Variants in OLFM3 observed in about 807,000 individuals in gnomAD.
OLFM3 encodes noelin-3.
OLFM3 carries 20 observed loss-of-function variants against 48.6 expected under a neutral mutation model. That is an observed-to-expected ratio of 0.41 (90% confidence interval 0.29 to 0.60). The LOEUF (loss-of-function observed/expected upper bound fraction) is 0.60, where lower values mean the gene tolerates loss of function less well. Ranked by LOEUF, OLFM3 falls within the 20% of genes least tolerant of loss-of-function variation. The pLI, the probability that OLFM3 is intolerant of heterozygous loss-of-function variation, is 0.28. For synonymous variants in OLFM3, 222 were observed against 198.1 expected, an observed-to-expected ratio of 1.12 and a Z score of -1.01; for missense variants, 437 against 544.3, an observed-to-expected ratio of 0.80 and a Z score of 1.96.
intron 3 of OLFM3, among the ~76,000 whole-genome samples, chr1:101,828,231 G>A (rs186097474): frequency 4.6e-5 from 7 of 152,226 alleles, no homozygotes; most frequent in African/African-American, 1.2e-4. Flanking sequence ...AGCAGTGTGA[G>A]AATAGACCAA....
chr1:101,975,831 C>T (rs987522925), intron 1 of OLFM3, among the ~76,000 whole-genome samples: 2 of 151,808 alleles, frequency 1.3e-5, no homozygotes, highest in Non-Finnish European at 2.9e-5. Flanking sequence ...CAGGGAGCAA[C>T]GCAGCGTAAT....
At position 101,804,945 on chromosome 1, in the gene OLFM3, G is replaced by A. The variant is rs751537246; in HGVS notation, c.700-30C>T. On this transcript the variant is annotated intron_variant, in intron 5 of 5. Transcript: ENST00000370103. The surrounding 1 kb of genome is among the most constrained non-coding windows in gnomAD (Gnocchi z 4.5). ...GAAGAAGGAAAAAAATAAATGGAGTGACTAAATTCTGTACTTTTCTGATAA... is the reference window on the plus strand; with the variant it reads ...GAAGAAGGAAAAAAATAAATGGAGTAACTAAATTCTGTACTTTTCTGATAA... 2 of 1,525,234 alleles carry A rather than the reference G, an allele frequency of 1.3e-6. No homozygotes were observed. The highest frequency in any genetic ancestry group is 1.8e-6 in the Non-Finnish European group (2 of 1,122,850). The allele number at this position is 1,525,234 out of a possible 1,614,324, so 94.5% of individuals were successfully genotyped here.
At chr1:101,983,387 C>A (rs1219430863) in intron 1 of OLFM3, among the ~76,000 whole-genome samples, 1 of 152,198 alleles carries the variant, frequency 6.6e-6, no homozygotes, top group African/African-American at 2.4e-5. Flanking sequence ...CTCAACCCTG[C>A]CACATTCTCT....
intron 4 of OLFM3, among the ~76,000 whole-genome samples, chr1:101,823,910 C>T (rs1654724404): frequency 6.6e-6 from 1 of 152,040 alleles, no homozygotes; most frequent in East Asian, 1.9e-4. Flanking sequence ...GACAGTGGAG[C>T]CTCCGATGTA....
chr1:101,907,364 A>T (rs1570619617), intron 1 of OLFM3, among the ~76,000 whole-genome samples: 1 of 152,232 alleles, frequency 6.6e-6, no homozygotes, highest in East Asian at 1.9e-4. Flanking sequence ...GCTCTGGAAG[A>T]GCCAGGTGGT....
At position 101,839,493 on chromosome 1, in the gene OLFM3, C is replaced by T. The variant is rs1355800568; in HGVS notation, c.70-2468G>A. 2.6e-5 allele frequency among the ~76,000 whole-genome samples: 4 copies of T among 152,174 alleles called. No homozygotes were observed. In the East Asian group the frequency reaches 5.8e-4, roughly 22 times the overall value. On this transcript the variant is annotated intron_variant, in intron 1 of 5. Transcript: ENST00000370103. ...CCCTGCAGTTTTAGCTGGGCATCTC[C>T]TAACATTGGACGCAAATCTAAAATA...
rs1413602939 is a variant in OLFM3, at chr1:101,824,897, A to AC, written c.592+128dup. On this transcript the variant is annotated intron_variant, in intron 4 of 5. Coordinates refer to ENST00000370103, the MANE Select transcript of OLFM3 (RefSeq NM_058170.4). ...TGCTTAAGTCATTAGGGGACACTTC[A>AC]CACTTAGAAAATGGGCTCTGATTTC... 24 of 771,912 alleles carry AC rather than the reference A, an allele frequency of 3.1e-5. No homozygotes were observed. In the African/African-American group the frequency reaches 3.5e-4, roughly 11 times the overall value. The allele number at this position is 771,912 out of a possible 1,614,324, so 47.8% of individuals were successfully genotyped here. A position where few individuals can be genotyped will look rare whatever the true frequency, so the allele number is the denominator to read the frequency against.
chr1:101,988,863 C>T (rs1277113148), intron 1 of OLFM3, among the ~76,000 whole-genome samples: 1 of 151,942 alleles, frequency 6.6e-6, no homozygotes. Context: ...AGCATGTGTA[C>T]ACTAAATACT....
intron 1 of OLFM3, among the ~76,000 whole-genome samples, chr1:101,931,388 G>A (rs1659441142): frequency 6.6e-6 from 1 of 152,146 alleles, no homozygotes; most frequent in Non-Finnish European, 1.5e-5. Flanking sequence ...AAATGCTGGT[G>A]ACACTTTCCC....
At chr1:101,806,470 A>G (rs895069895) in intron 4 of OLFM3, among the ~76,000 whole-genome samples, 1 of 151,850 alleles carries the variant, frequency 6.6e-6, no homozygotes, top group African/African-American at 2.4e-5. Context: ...TTATCATTAT[A>G]CCAGTTCAGT....
intron 1 of OLFM3, among the ~76,000 whole-genome samples, chr1:101,937,313 A>G (rs1659653183): frequency 6.6e-6 from 1 of 152,148 alleles, no homozygotes. Context: ...TGCTGTTCAT[A>G]AAACAATACA....
intron 1 of OLFM3, among the ~76,000 whole-genome samples, chr1:101,984,644 C>T (rs1237529898): frequency 3.3e-5 from 5 of 152,196 alleles, no homozygotes; most frequent in African/African-American, 4.8e-5. Flanking sequence ...AGGTGATCCA[C>T]CCACCTAGGC....
chr1:101,929,038 A>T (rs1358761317), intron 1 of OLFM3, among the ~76,000 whole-genome samples: 1 of 152,098 alleles, frequency 6.6e-6, no homozygotes, highest in East Asian at 1.9e-4. Flanking sequence ...ATTAGAGTAC[A>T]ACCCTGAAAT....
At position 101,932,384 on chromosome 1, in the gene OLFM3, A is replaced by G. The variant is rs938229027; in HGVS notation, c.69+64364T>C. Among the ~76,000 whole-genome samples the G allele has an allele frequency of 2.0e-5, 3 of 152,200 alleles. No individual in the cohort carries two copies. In the East Asian group the frequency reaches 5.8e-4, roughly 29 times the overall value. ...ATAGCTCCTACCAATAGACCACGAC[A>G]TTGGGAAGACAGGCACACTATGAGC... On this transcript the variant is annotated intron_variant, in intron 1 of 5. Transcript: ENST00000370103.
intron 1 of OLFM3, among the ~76,000 whole-genome samples, chr1:101,965,186 A>G (rs1200625988): frequency 6.6e-6 from 1 of 152,180 alleles, no homozygotes; most frequent in African/African-American, 2.4e-5. Flanking sequence ...TGCTTTTGTT[A>G]TTTTTGGCAA....
intron 1 of OLFM3, among the ~76,000 whole-genome samples, chr1:101,909,179 C>T (rs1375311656): frequency 6.6e-6 from 1 of 152,228 alleles, no homozygotes; most frequent in Non-Finnish European, 1.5e-5. Context: ...AGAAACCACT[C>T]AGCTCAGTCA....
At chr1:101,855,267 A>C (rs1015664434) in intron 1 of OLFM3, among the ~76,000 whole-genome samples, 12 of 151,896 alleles carry the variant, frequency 7.9e-5, no homozygotes, top group African/African-American at 2.9e-4. Flanking sequence ...TCCTCAGACA[A>C]ACCCGATGAG....
chr1:101,876,953 T>C (rs190505418), intron 1 of OLFM3, among the ~76,000 whole-genome samples: 2 of 152,036 alleles, frequency 1.3e-5, no homozygotes, highest in African/African-American at 4.8e-5. Context: ...CTGACTTGGG[T>C]TATAATTTCA....
intron 1 of OLFM3, among the ~76,000 whole-genome samples, chr1:101,845,512 A>G (rs1489750802): frequency 6.6e-6 from 1 of 152,210 alleles, no homozygotes; most frequent in African/African-American, 2.4e-5. Context: ...GCAAGAGTTA[A>G]TTCAACAATG....
Sources: gnomAD v4.1 joint callset for allele counts (sites outside exome capture counted in the v4.1 genomes callset) on GRCh38, gnomAD v4.1.1 for gene constraint, Gnocchi (gnomAD v3.1) non-coding constraint, MANE v1.5 for transcripts, NCBI Gene and HGNC (gene_info 2026-07-23, HGNC 2026-07-21) for gene names.